Variants in MCC observed in about 807,000 individuals in gnomAD.
The protein encoded by MCC is colorectal mutant cancer protein.
A neutral mutation model predicts 116.2 loss-of-function variants in MCC; 90 were observed. That is an observed-to-expected ratio of 0.77 (90% confidence interval 0.65 to 0.92). The LOEUF (loss-of-function observed/expected upper bound fraction) is 0.92, where lower values mean the gene tolerates loss of function less well. MCC is among the 40% of genes least tolerant of loss of function. The pLI is 0.00. For missense variants in MCC, 1,516 were observed against 1,312.2 expected (o/e 1.16, Z -2.40); for synonymous variants, 578 against 510.5 (o/e 1.13, Z -1.78).
intron 1 of MCC, among the ~76,000 whole-genome samples, chr5:113,443,015 G>C (rs1013973334): frequency 3.3e-5 from 5 of 152,164 alleles, no homozygotes; most frequent in African/African-American, 1.2e-4. Context: ...GTTTAAAGTA[G>C]TTTTTTCCAA....
chr5:113,331,934 A>C (rs1378101793), intron 3 of MCC, among the ~76,000 whole-genome samples: 3 of 151,568 alleles, frequency 2.0e-5, no homozygotes, highest in Non-Finnish European at 4.4e-5. Context: ...ACTGCCTCTG[A>C]CTATGATCTG....
intron 3 of MCC, among the ~76,000 whole-genome samples, chr5:113,176,536 G>C (rs1033178554): frequency 6.6e-6 from 1 of 152,204 alleles, no homozygotes; most frequent in African/African-American, 2.4e-5. Flanking sequence ...CGGCTCCCTT[G>C]TGCTCCAGGC....
At position 113,468,803 on chromosome 5, in the gene MCC, T is replaced by G. The variant is rs1029549434; in HGVS notation, c.170+19442A>C. 8.5e-5 allele frequency among the ~76,000 whole-genome samples: 13 copies of G among 152,156 alleles called. 1 individual carries two copies. Among genetic ancestry groups the G allele is most frequent in the Non-Finnish European group, 1.6e-4 (11 of 68,010 alleles). ...TCTGGTAGAATTCGGCTGTGAATCC[T>G]TCTGGTCCTGGACTTTTTTTGGTTG... On this transcript the variant is annotated intron_variant, in intron 1 of 18. Coordinates refer to ENST00000408903, the MANE Select transcript of MCC (RefSeq NM_001085377.2).
rs1173086134 is a variant in MCC, at chr5:113,061,863, A to G, written c.2213+2121T>C. ...CAGAAAGATCCTTTTCTTTATTTTC[A>G]TAAACTTGACAAGGGGGAATGTCTG... On this transcript the variant is annotated intron_variant, in intron 14 of 18. Coordinates refer to ENST00000408903, the MANE Select transcript of MCC (RefSeq NM_001085377.2). 2.0e-5 allele frequency among the ~76,000 whole-genome samples: 3 copies of G among 152,368 alleles called. No homozygotes were observed. The East Asian group carries it at 5.8e-4, about 29-fold the overall frequency.
intron 2 of MCC, among the ~76,000 whole-genome samples, chr5:113,347,436 T>G (rs1166190892): frequency 6.6e-6 from 1 of 152,052 alleles, no homozygotes; most frequent in East Asian, 1.9e-4. Context: ...AAATAATGGG[T>G]TATGTATACA....
At chr5:113,027,566 C>A in intron 18 of MCC, 84 bp from the exon 19 acceptor site, 1 of 1,180,692 alleles carries the variant, frequency 8.5e-7, no homozygotes, top group South Asian at 1.4e-5. Context: ...ATAACCAGAT[C>A]TAGTGAGCAC....
intron 18 of MCC, among the ~76,000 whole-genome samples, chr5:113,028,515 A>T (rs1444510196): frequency 6.6e-6 from 1 of 152,190 alleles, no homozygotes; most frequent in African/African-American, 2.4e-5. Context: ...TATAGAGAAG[A>T]GTCCTGAGCC....
chr5:113,475,265 C>T (rs2434664), intron 1 of MCC, among the ~76,000 whole-genome samples: 55,835 of 152,068 alleles, frequency 0.37, 12,833 homozygotes, highest in East Asian at 0.69. Flanking sequence ...AAACACAAAG[C>T]TCATCTATCT....
At chr5:113,288,453 T>TC (rs1212322341) in intron 3 of MCC, among the ~76,000 whole-genome samples, 1 of 152,162 alleles carries the variant, frequency 6.6e-6, no homozygotes, top group African/African-American at 2.4e-5. Context: ...TAGAAGTCTC[T>TC]CTCCCAACCC....
At position 113,380,306 on chromosome 5, in the gene MCC, C is replaced by G. The variant is rs76328724; in HGVS notation, c.415+4662G>C. Among the ~76,000 whole-genome samples, 1,009 of 152,338 alleles carry G rather than the reference C, an allele frequency of 6.6e-3. 8 individuals are homozygous for G. Among genetic ancestry groups the G allele is most frequent in the African/African-American group, 0.023 (944 of 41,572 alleles). On this transcript the variant is annotated intron_variant, in intron 2 of 18. Coordinates refer to ENST00000408903, the MANE Select transcript of MCC (RefSeq NM_001085377.2). ...AACTCCTGTTCACAGTATTTCTTAGCTCCTCTTACAGAGCAGACCATAACT... is the reference window on the plus strand; with the variant it reads ...AACTCCTGTTCACAGTATTTCTTAGGTCCTCTTACAGAGCAGACCATAACT...
chr5:113,401,971 T>TC (rs1332940620), intron 1 of MCC, among the ~76,000 whole-genome samples: 1 of 151,758 alleles, frequency 6.6e-6, no homozygotes, highest in African/African-American at 2.4e-5. Flanking sequence ...TGCCTCAGCC[T>TC]CCCAAGTAGG....
intron 1 of MCC, among the ~76,000 whole-genome samples, chr5:113,415,542 C>A (rs1265179705): frequency 1.3e-5 from 2 of 152,182 alleles, no homozygotes; most frequent in Non-Finnish European, 1.5e-5. Context: ...GATACCCTTT[C>A]TTCCACTTGA....
At chr5:113,143,427 C>G in intron 4 of MCC, 67 bp from the exon 5 acceptor site, 1 of 1,564,614 alleles carries the variant, frequency 6.4e-7, no homozygotes, top group Non-Finnish European at 8.7e-7. Flanking sequence ...TGATTCCAAG[C>G]TTTGTGGCCT....
At chr5:113,173,810 G>C (rs1761191449) in intron 3 of MCC, among the ~76,000 whole-genome samples, 1 of 152,062 alleles carries the variant, frequency 6.6e-6, no homozygotes, top group African/African-American at 2.4e-5. Flanking sequence ...ATCTTATTTA[G>C]TATTTCAAAC....
intron 1 of MCC, among the ~76,000 whole-genome samples, chr5:113,418,846 A>G (rs1272307089): frequency 1.3e-5 from 2 of 152,176 alleles, no homozygotes; most frequent in Admixed American, 6.5e-5. Flanking sequence ...GACAAAACCA[A>G]TCAAAAAGCA....
intron 3 of MCC, among the ~76,000 whole-genome samples, chr5:113,340,267 T>C (rs747935125): frequency 1.3e-4 from 20 of 152,212 alleles, no homozygotes; most frequent in Non-Finnish European, 2.1e-4. Flanking sequence ...CTTCTAGTAA[T>C]TAAACCTGTG....
chr5:113,256,625 T>TTGAAATAGCATTTACG (rs1765016148), intron 3 of MCC, among the ~76,000 whole-genome samples: 1 of 152,150 alleles, frequency 6.6e-6, no homozygotes, highest in Admixed American at 6.5e-5. Context: ...TAGCATTTAC[T>TTGAAATAGCATTTACG]TGAAATGTGT....
At chr5:113,154,608 G>A (rs1299730091) in intron 3 of MCC, among the ~76,000 whole-genome samples, 1 of 152,188 alleles carries the variant, frequency 6.6e-6, no homozygotes, top group African/African-American at 2.4e-5. Context: ...CTCTTTTGGG[G>A]TTTCACCAGT....
At chr5:113,154,347 C>A (rs570792610) in intron 3 of MCC, among the ~76,000 whole-genome samples, 1 of 152,360 alleles carries the variant, frequency 6.6e-6, no homozygotes, top group South Asian at 2.1e-4. Flanking sequence ...GACAATTACT[C>A]CGCAGAGGCT....
Sources: gnomAD v4.1 joint callset for allele counts (sites outside exome capture counted in the v4.1 genomes callset) on GRCh38, gnomAD v4.1.1 for gene constraint, MANE v1.5 for transcripts, NCBI Gene and HGNC (gene_info 2026-07-23, HGNC 2026-07-21) for gene names.